The following GLMN variants were observed in gnomAD, a reference collection of about 807,000 sequenced individuals.
GLMN encodes glomulin.
Under a neutral mutation model 87.8 loss-of-function variants are expected in GLMN, and 75 were observed. The ratio of observed to expected loss-of-function variants is 0.85; its 90% CI spans 0.71 to 1.04. The LOEUF is 1.04. Among genes scored for constraint, GLMN ranks in the 50% least tolerant of loss-of-function variants. The probability of loss-of-function intolerance (pLI) is 0.00; values close to 1 mark genes in which losing one functional copy is unlikely to be tolerated. For synonymous variants in GLMN, 206 were observed against 221.6 expected, an observed-to-expected ratio of 0.93 and a Z score of 0.63; for missense variants, 588 against 658.8, an observed-to-expected ratio of 0.89 and a Z score of 1.18.
chr1:92,336,283 C>A, the GLMN span: 1 of 1,069,860 alleles, frequency 9.3e-7, no homozygotes, highest in South Asian at 1.4e-5. Context: ...CAGATCTAGG[C>A]ATGACCCAAA....
Position 92,267,421 on chromosome 1 carries a change from C to T in GLMN, c.1098+492G>A, listed in dbSNP as rs148315914. Among the ~76,000 whole-genome samples, 278 of 152,172 alleles carry T rather than the reference C, an allele frequency of 1.8e-3. 3 individuals are homozygous for T. Among genetic ancestry groups the T allele is most frequent in the African/African-American group, 6.0e-3 (250 of 41,526 alleles). On this transcript the variant is annotated intron_variant, in intron 11 of 18. Transcript: ENST00000370360. The stretch of plus-strand genomic sequence containing the variant: ...AAAATTTAAATTTGAAACTTAGTTC[C>T]GGCTGGGTGTGGTGGCTCACACCTG...
the GLMN span, among the ~76,000 whole-genome samples, chr1:92,359,052 C>T: frequency 6.6e-6 from 1 of 152,200 alleles, no homozygotes; most frequent in Non-Finnish European, 1.5e-5. Flanking sequence ...CTGTATCTTG[C>T]CCCCACCTTT....
At chr1:92,328,603 C>T in the GLMN span, among the ~76,000 whole-genome samples, 4 of 152,166 alleles carry the variant, frequency 2.6e-5, no homozygotes, top group East Asian at 1.9e-4. Flanking sequence ...TCTGGTGCCT[C>T]CTTGATTAGC....
At chr1:92,275,888 C>T (rs558865499) in intron 7 of GLMN, among the ~76,000 whole-genome samples, 193 of 152,230 alleles carry the variant, frequency 1.3e-3, no homozygotes, top group Non-Finnish European at 2.2e-3. Flanking sequence ...GAGCCCTTTT[C>T]TCTTGTCACC....
the GLMN span, among the ~76,000 whole-genome samples, chr1:92,317,105 G>T: frequency 6.6e-6 from 1 of 152,134 alleles, no homozygotes; most frequent in Non-Finnish European, 1.5e-5. Context: ...AGAGGCAACA[G>T]GATATAGAAA....
intron 7 of GLMN, 104 bp from the exon 8 acceptor site, chr1:92,271,756 T>A: frequency 2.5e-6 from 2 of 801,134 alleles, no homozygotes; most frequent in Non-Finnish European, 4.3e-6. Context: ...GTGTAATCAC[T>A]CCCTTTGAGC....
chr1:92,276,294 T>C (rs1210277290), intron 7 of GLMN, among the ~76,000 whole-genome samples: 2 of 151,866 alleles, frequency 1.3e-5, no homozygotes, highest in Non-Finnish European at 2.9e-5. Flanking sequence ...ATTAAAATAT[T>C]ATATTTTAAA....
the GLMN span, among the ~76,000 whole-genome samples, chr1:92,344,036 T>A: frequency 6.6e-6 from 1 of 152,222 alleles, no homozygotes; most frequent in South Asian, 2.1e-4. Flanking sequence ...GAAGTAGATG[T>A]GTATCCTTCT....
chr1:92,321,431 T>A, the GLMN span, among the ~76,000 whole-genome samples: 1 of 152,092 alleles, frequency 6.6e-6, no homozygotes, highest in Non-Finnish European at 1.5e-5. Flanking sequence ...TCTTTTTTCT[T>A]CATTCCCATC....
upstream of GLMN, among the ~76,000 whole-genome samples, chr1:92,301,750 T>G (rs1405378865): frequency 6.6e-6 from 1 of 152,238 alleles, no homozygotes; most frequent in East Asian, 1.9e-4. Flanking sequence ...TAAACAACTA[T>G]CATGCATTCC....
chr1:92,247,006 T>C (rs372064317), intron 18 of GLMN, 56 bp downstream of exon 18: 33 of 948,044 alleles, frequency 3.5e-5, no homozygotes, highest in Non-Finnish European at 4.3e-5. Context: ...TTGGGCAAGA[T>C]AGCAAGACCC....
chr1:92,309,998 TAGAG>T, the GLMN span, among the ~76,000 whole-genome samples: 2 of 152,202 alleles, frequency 1.3e-5, no homozygotes, highest in African/African-American at 2.4e-5. Flanking sequence ...AAAGGGTCCT[TAGAG>T]AGATTTAATC....
At chr1:92,296,398 G>T (rs911767946) in intron 3 of GLMN, among the ~76,000 whole-genome samples, 1 of 152,130 alleles carries the variant, frequency 6.6e-6, no homozygotes, top group South Asian at 2.1e-4. Flanking sequence ...CAATCATGGC[G>T]GAAGGCACCT....
chr1:92,291,257 T>C (rs1399565816), intron 4 of GLMN, among the ~76,000 whole-genome samples, 161 bp downstream of exon 4: 1 of 152,206 alleles, frequency 6.6e-6, no homozygotes, highest in Non-Finnish European at 1.5e-5. Context: ...TGAAATGGAA[T>C]TGCCTATCCA....
the GLMN span, among the ~76,000 whole-genome samples, chr1:92,313,507 TAAAC>T: frequency 9.5e-4 from 144 of 151,990 alleles, no homozygotes; most frequent in African/African-American, 3.3e-3. Context: ...AGCCATGCTG[TAAAC>T]AGATGTGCAG....
the GLMN span, chr1:92,304,137 G>A: frequency 1.7e-5 from 22 of 1,333,062 alleles, no homozygotes; most frequent in African/African-American, 3.0e-4. Flanking sequence ...AAAATACTTT[G>A]TTGTAAGAAT....
At chr1:92,291,877 T>TA in intron 3 of GLMN, among the ~76,000 whole-genome samples, 1 of 152,212 alleles carries the variant, frequency 6.6e-6, no homozygotes, top group East Asian at 1.9e-4. Flanking sequence ...TTGCTCCCCT[T>TA]ATTCATAAAG....
the GLMN span, among the ~76,000 whole-genome samples, chr1:92,321,610 G>A: frequency 5.9e-3 from 900 of 152,224 alleles, 8 homozygotes; most frequent in African/African-American, 0.019. Context: ...CAAAGCTACT[G>A]TTGCCTTCCC....
At chr1:92,279,653 T>C (rs1055939720) in intron 7 of GLMN, among the ~76,000 whole-genome samples, 3 of 152,172 alleles carry the variant, frequency 2.0e-5, no homozygotes, top group African/African-American at 2.4e-5. Context: ...GGGCGGGGCA[T>C]TGCCTCACCC....
Sources: gnomAD v4.1 joint callset for allele counts (sites outside exome capture counted in the v4.1 genomes callset) on GRCh38, gnomAD v4.1.1 for gene constraint, MANE v1.5 for transcripts, NCBI Gene and HGNC (gene_info 2026-07-23, HGNC 2026-07-21) for gene names.